ZBTB16: variants seen among roughly 807,000 people sequenced by gnomAD.
The protein encoded by ZBTB16 is zinc finger and BTB domain containing 16.
ZBTB16 carries 8 observed loss-of-function variants against 56.8 expected under a neutral mutation model. That is an observed-to-expected ratio of 0.14 (90% CI 0.08 to 0.25). The LOEUF is 0.25. Among genes scored for constraint, ZBTB16 ranks in the 10% least tolerant of loss-of-function variants. The pLI, the probability that ZBTB16 is intolerant of heterozygous loss-of-function variation, is 1.00. For missense variants in ZBTB16, 625 were observed against 903.0 expected (o/e 0.69, Z 3.95); for synonymous variants, 363 against 368.5 (o/e 0.98, Z 0.17).
chr11:114,113,694 G>A (rs960399533), intron 2 of ZBTB16, among the ~76,000 whole-genome samples: 2 of 152,194 alleles, frequency 1.3e-5, no homozygotes, highest in African/African-American at 4.8e-5. Flanking sequence ...GAGACATTCT[G>A]TAAATGACCT....
chr11:114,161,813 GCTTTTTTTTATGTAGA>G (rs370950813), intron 3 of ZBTB16, among the ~76,000 whole-genome samples: 163 of 146,848 alleles, frequency 1.1e-3, no homozygotes, highest in African/African-American at 3.3e-3. Context: ...GGACTGTTGG[GCTTTTTTTTATGTAGA>G]CTAGGCTAGA....
intron 3 of ZBTB16, among the ~76,000 whole-genome samples, chr11:114,159,681 C>T (rs1591728797): frequency 6.6e-6 from 1 of 152,058 alleles, no homozygotes; most frequent in Non-Finnish European, 1.5e-5. Context: ...GGCGCTGGGT[C>T]TTCTTACAGA....
chr11:114,076,705 C>G (rs889233180), intron 2 of ZBTB16, among the ~76,000 whole-genome samples: 2 of 136,150 alleles, frequency 1.5e-5, no homozygotes, highest in Admixed American at 8.4e-5. Context: ...AATCGAGTGA[C>G]TCTAAAAACA....
chr11:114,125,912 T>G (rs1437698390), intron 2 of ZBTB16, among the ~76,000 whole-genome samples: 2 of 152,230 alleles, frequency 1.3e-5, no homozygotes. Context: ...CAAAGCAGCC[T>G]TCTCCTGAAG....
At chr11:114,207,613 A>G (rs1303436536) in intron 4 of ZBTB16, among the ~76,000 whole-genome samples, 1 of 151,712 alleles carries the variant, frequency 6.6e-6, no homozygotes, top group African/African-American at 2.4e-5. Flanking sequence ...ACACACACAC[A>G]CACACACACA....
Position 114,143,971 on chromosome 11 carries a change from G to T in ZBTB16, c.1269-12366G>T, listed in dbSNP as rs1267563114. 6.6e-6 allele frequency among the ~76,000 whole-genome samples: 1 copy of T among 152,188 alleles called. No individual in the cohort carries two copies. The highest frequency in any genetic ancestry group is 1.5e-5 in the Non-Finnish European group (1 of 68,030). On this transcript the variant is annotated intron_variant, in intron 2 of 6. Coordinates refer to ENST00000335953, the MANE Select transcript of ZBTB16 (RefSeq NM_006006.6). The surrounding 1 kb of genome is among the most constrained non-coding windows in gnomAD (Gnocchi z 6.4). The stretch of plus-strand genomic sequence containing the variant: ...TCCTGTGTGCTCGGGAGCCTTGCGT[G>T]TAAGGAGCAAGAGGAGCACGCAAGC...
At chr11:114,104,229 T>C (rs966507545) in intron 2 of ZBTB16, among the ~76,000 whole-genome samples, 1 of 152,186 alleles carries the variant, frequency 6.6e-6, no homozygotes, top group Non-Finnish European at 1.5e-5. Flanking sequence ...TTCAGTCTTA[T>C]GGTCATTGCT....
chr11:114,199,247 G>A (rs1006161957), intron 4 of ZBTB16, among the ~76,000 whole-genome samples: 1 of 151,814 alleles, frequency 6.6e-6, no homozygotes, highest in East Asian at 1.9e-4. Flanking sequence ...GCCCAGGGAC[G>A]GGGATGCCGG....
chr11:114,092,861 A>G (rs1940242863), intron 2 of ZBTB16, among the ~76,000 whole-genome samples: 1 of 151,682 alleles, frequency 6.6e-6, no homozygotes, highest in African/African-American at 2.4e-5. Context: ...TCTTCCTCCC[A>G]CCTTTCCCTG....
At chr11:114,178,820 C>G (rs1052874347) in intron 3 of ZBTB16, among the ~76,000 whole-genome samples, 19 of 152,200 alleles carry the variant, frequency 1.2e-4, no homozygotes, top group Non-Finnish European at 2.6e-4. Flanking sequence ...CTGACCCAGT[C>G]CAGGGTTTCC....
chr11:114,189,975 C>A (rs1943453246), intron 4 of ZBTB16, among the ~76,000 whole-genome samples: 1 of 152,070 alleles, frequency 6.6e-6, no homozygotes, highest in Non-Finnish European at 1.5e-5. Flanking sequence ...TATATTCATA[C>A]CATGGTATAC....
At chr11:114,167,232 GTTTT>G (rs58946694) in intron 3 of ZBTB16, among the ~76,000 whole-genome samples, 1 of 88,710 alleles carries the variant, frequency 1.1e-5, no homozygotes, top group African/African-American at 6.0e-5. Flanking sequence ...TTTTTTTTTG[GTTTT>G]TTTTTTTTTT....
chr11:114,090,686 T>C (rs1940152561), intron 2 of ZBTB16, among the ~76,000 whole-genome samples: 1 of 152,148 alleles, frequency 6.6e-6, no homozygotes, highest in South Asian at 2.1e-4. Flanking sequence ...TTCTATTGGA[T>C]GCTATGTGGG....
At chr11:114,234,459 T>A (rs1944520128) in intron 4 of ZBTB16, among the ~76,000 whole-genome samples, 1 of 152,206 alleles carries the variant, frequency 6.6e-6, no homozygotes, top group African/African-American at 2.4e-5. Flanking sequence ...AGCAGCTGAT[T>A]GGAGTTTCCA....
chr11:114,235,956 T>A (rs1415497546), intron 4 of ZBTB16, among the ~76,000 whole-genome samples: 1 of 151,970 alleles, frequency 6.6e-6, no homozygotes, highest in Non-Finnish European at 1.5e-5. Flanking sequence ...TTTGCATGGA[T>A]CCTGCCCATA....
At chr11:114,180,124 G>T (rs1242168882) in intron 3 of ZBTB16, among the ~76,000 whole-genome samples, 3 of 152,140 alleles carry the variant, frequency 2.0e-5, no homozygotes, top group African/African-American at 7.2e-5. Context: ...ACTTTAACTG[G>T]CTTTGAACCT....
intron 2 of ZBTB16, among the ~76,000 whole-genome samples, chr11:114,082,784 G>A (rs1939814659): frequency 6.6e-6 from 1 of 152,108 alleles, no homozygotes; most frequent in Non-Finnish European, 1.5e-5. Context: ...GTCTTCAGCT[G>A]TCAGGATCAA....
At chr11:114,074,261 C>G (rs1019323600) in intron 2 of ZBTB16, among the ~76,000 whole-genome samples, 4 of 152,194 alleles carry the variant, frequency 2.6e-5, no homozygotes, top group African/African-American at 9.7e-5. Flanking sequence ...GCGTTGTGAT[C>G]TTAATGCCAT....
In ZBTB16 at chr11:114,253,109, G is replaced by C. The variant is rs180761162; in HGVS notation, c.*2554G>C. On this transcript the variant is annotated 3_prime_UTR_variant, in exon 7 of 7. Coordinates refer to ENST00000335953, the MANE Select transcript of ZBTB16 (RefSeq NM_006006.6). ...TTCCTCCTCTGGTCTGGGAAGAAGCGGGGACTGGCTGGCCCTCAGGGGATC... is the reference window on the plus strand; with the variant it reads ...TTCCTCCTCTGGTCTGGGAAGAAGCCGGGACTGGCTGGCCCTCAGGGGATC... 4.6e-5 allele frequency among the ~76,000 whole-genome samples: 7 copies of C among 152,122 alleles called. No homozygotes were observed. The highest frequency in any genetic ancestry group is 3.9e-4 in the Admixed American group (6 of 15,274).
Sources: gnomAD v4.1 joint callset for allele counts (sites outside exome capture counted in the v4.1 genomes callset) on GRCh38, gnomAD v4.1.1 for gene constraint, Gnocchi (gnomAD v3.1) non-coding constraint, MANE v1.5 for transcripts, NCBI Gene and HGNC (gene_info 2026-07-23, HGNC 2026-07-21) for gene names.